PTPRD: variants seen among roughly 807,000 people sequenced by gnomAD.
PTPRD encodes the protein protein tyrosine phosphatase receptor type D.
PTPRD carries 34 observed loss-of-function variants against 214.5 expected under a neutral mutation model. The ratio of observed to expected loss-of-function variants is 0.16; its 90% CI spans 0.12 to 0.21. PTPRD has a LOEUF of 0.21. Ranked by LOEUF, PTPRD falls within the 10% of genes least tolerant of loss-of-function variation. PTPRD has a pLI of 1.00. For missense variants in PTPRD, 2,545 were observed against 2,398.7 expected (o/e 1.06, Z -1.27); for synonymous variants, 1,128 against 845.7 (o/e 1.33, Z -5.79).
intron 11 of PTPRD, among the ~76,000 whole-genome samples, chr9:8,737,148 A>C (rs951923499): frequency 3.3e-5 from 5 of 152,128 alleles, no homozygotes; most frequent in South Asian, 4.2e-4. Context: ...AAGAAGACCA[A>C]ATTTTTTCAA....
intron 2 of PTPRD, among the ~76,000 whole-genome samples, chr9:10,410,342 T>G (rs1355965833): frequency 6.7e-6 from 1 of 148,464 alleles, no homozygotes; most frequent in Non-Finnish European, 1.5e-5. Context: ...ATTTTACATA[T>G]TCCTCTCTCT....
chr9:9,471,813 T>C (rs528004335), intron 8 of PTPRD, among the ~76,000 whole-genome samples: 35 of 152,304 alleles, frequency 2.3e-4, no homozygotes, highest in Non-Finnish European at 3.8e-4. Flanking sequence ...GCAATTTATA[T>C]AGGCAGCATT....
chr9:8,537,286 A>G (rs2077185660), intron 14 of PTPRD, among the ~76,000 whole-genome samples: 1 of 152,074 alleles, frequency 6.6e-6, no homozygotes, highest in African/African-American at 2.4e-5. Context: ...AAAATCATAT[A>G]GTTTCTAATT....
In PTPRD at chr9:9,097,402, C is replaced by CTTTT. The variant is rs200629393; in HGVS notation, c.-142-78671_-142-78668dup. 5.2e-3 allele frequency among the ~76,000 whole-genome samples: 752 copies of CTTTT among 143,484 alleles called. 5 individuals are homozygous for CTTTT. The highest frequency in any genetic ancestry group is 0.018 in the African/African-American group (718 of 39,174). 94.1% of individuals were successfully genotyped at this position (143,484 alleles called of 152,430 possible). ...CACAGGTTAGTAGCACACCATGGCT[C>CTTTT]TTTTTTTTTTTTTCTTTTTCTTTTG... On this transcript the variant is annotated intron_variant, in intron 10 of 45. Transcript: ENST00000381196.
At chr9:10,341,640 T>C (rs889978939) in intron 2 of PTPRD, among the ~76,000 whole-genome samples, 1 of 151,984 alleles carries the variant, frequency 6.6e-6, no homozygotes, top group East Asian at 1.9e-4. Context: ...ATGAAACATG[T>C]GGCTTTAGAG....
At chr9:8,664,840 T>C (rs189795649) in intron 12 of PTPRD, among the ~76,000 whole-genome samples, 34 of 152,356 alleles carry the variant, frequency 2.2e-4, no homozygotes, top group African/African-American at 8.2e-4. Flanking sequence ...AGTCCCATGG[T>C]TTTATCACAG....
rs183013973 is a variant in PTPRD at position 10,096,084 on chromosome 9, G to C, written c.-544-62294C>G. ...AGTAGGCTTACCGCATTAGAGTTTGGATTGACCATTCTGATTACATACGAG... is the reference window on the plus strand; with the variant it reads ...AGTAGGCTTACCGCATTAGAGTTTGCATTGACCATTCTGATTACATACGAG... On this transcript the variant is annotated intron_variant, in intron 3 of 45. Coordinates refer to ENST00000381196, the MANE Select transcript of PTPRD (RefSeq NM_002839.4). Among the ~76,000 whole-genome samples the C allele has an allele frequency of 6.6e-5, 10 of 151,676 alleles. No individual in the cohort carries two copies. In the East Asian group the frequency reaches 1.6e-3, roughly 24 times the overall value.
At chr9:10,576,189 AT>A (rs2069252294) in intron 2 of PTPRD, among the ~76,000 whole-genome samples, 1 of 152,070 alleles carries the variant, frequency 6.6e-6, no homozygotes, top group Non-Finnish European at 1.5e-5. Context: ...GTAAAATTTA[AT>A]TTTCTTACTG....
intron 44 of PTPRD, among the ~76,000 whole-genome samples, chr9:8,321,487 GTATATATATA>G (rs750825729): frequency 0.011 from 484 of 44,540 alleles, 8 homozygotes; most frequent in South Asian, 0.059. Context: ...GTGTGTGTGT[GTATATATATA>G]TATATATATA....
intron 5 of PTPRD, among the ~76,000 whole-genome samples, chr9:9,884,836 T>A (rs2070220865): frequency 6.6e-6 from 1 of 152,102 alleles, no homozygotes; most frequent in African/African-American, 2.4e-5. Flanking sequence ...GAAGGACGTG[T>A]TTGTTTCCCA....
intron 14 of PTPRD, among the ~76,000 whole-genome samples, chr9:8,555,145 G>A (rs955255389): frequency 6.6e-6 from 1 of 152,148 alleles, no homozygotes; most frequent in African/African-American, 2.4e-5. Context: ...GGCCAGGTGT[G>A]GTGGCTCATG....
intron 10 of PTPRD, among the ~76,000 whole-genome samples, chr9:9,148,790 T>C (rs1373361654): frequency 1.3e-5 from 2 of 152,208 alleles, no homozygotes; most frequent in African/African-American, 4.8e-5. Context: ...TTCAGTGATA[T>C]TTATTTCAGG....
At chr9:8,668,329 C>A (rs950071298) in intron 12 of PTPRD, among the ~76,000 whole-genome samples, 2 of 152,212 alleles carry the variant, frequency 1.3e-5, no homozygotes, top group African/African-American at 4.8e-5. Context: ...AAAAATAGAT[C>A]AAATTAGGTG....
intron 7 of PTPRD, among the ~76,000 whole-genome samples, chr9:9,601,243 G>T (rs1188951557): frequency 1.3e-5 from 2 of 150,838 alleles, no homozygotes; most frequent in African/African-American, 2.4e-5. Context: ...AATTACTTTT[G>T]ATAAAAATTT....
In PTPRD at chr9:8,891,220, G is replaced by A. The variant is rs923316338; in HGVS notation, c.-104+127477C>T. On this transcript the variant is annotated intron_variant, in intron 11 of 45. Coordinates refer to ENST00000381196, the MANE Select transcript of PTPRD (RefSeq NM_002839.4). ...GCGATCTCCACTCACTGCAAGCTCC[G>A]CCTCCCGGGTTCAGGCCATCCTCCT... 2.8e-5 allele frequency among the ~76,000 whole-genome samples: 4 copies of A among 142,492 alleles called. No homozygotes were observed. In the East Asian group the frequency reaches 6.1e-4, roughly 22 times the overall value. 93.5% of individuals were successfully genotyped at this position (142,492 alleles called of 152,430 possible).
At chr9:9,863,084 G>A (rs1180239586) in intron 5 of PTPRD, among the ~76,000 whole-genome samples, 1 of 152,106 alleles carries the variant, frequency 6.6e-6, no homozygotes, top group Non-Finnish European at 1.5e-5. Flanking sequence ...ATATTTGAGT[G>A]CCTGAAGTAT....
At chr9:8,762,359 T>C (rs1239749844) in intron 11 of PTPRD, among the ~76,000 whole-genome samples, 3 of 152,192 alleles carry the variant, frequency 2.0e-5, no homozygotes, top group Admixed American at 6.5e-5. Flanking sequence ...TAAAACTGCA[T>C]ATATCACCTT....
chr9:9,593,141 G>A (rs2092921179), intron 7 of PTPRD, among the ~76,000 whole-genome samples: 1 of 131,726 alleles, frequency 7.6e-6, no homozygotes, highest in African/African-American at 2.7e-5. Flanking sequence ...GAAAGGAAAG[G>A]GAAAGAAAAG....
At chr9:8,929,844 T>G in intron 11 of PTPRD, among the ~76,000 whole-genome samples, 1 of 23,526 alleles carries the variant, frequency 4.3e-5, no homozygotes, top group African/African-American at 1.1e-4. Flanking sequence ...TATATATATG[T>G]GTGTATATAT....
Sources: allele counts gnomAD v4.1 joint callset (sites outside exome capture counted in the v4.1 genomes callset), GRCh38; gene constraint gnomAD v4.1.1; transcripts MANE v1.5; gene names NCBI Gene and HGNC (gene_info 2026-07-23, HGNC 2026-07-21).